Variants in ADGRE1 observed in about 807,000 individuals in gnomAD.
ADGRE1 encodes the protein EGF-like module receptor 1.
Under a neutral mutation model 102.7 loss-of-function variants are expected in ADGRE1, and 82 were observed. The ratio of observed to expected loss-of-function variants is 0.80; its 90% CI spans 0.67 to 0.96. The LOEUF (loss-of-function observed/expected upper bound fraction) is 0.96, where lower values mean the gene tolerates loss of function less well. ADGRE1 is among the 40% of genes least tolerant of loss of function. The pLI is 0.00. For missense variants in ADGRE1, 1,032 were observed against 1,085.3 expected (o/e 0.95, Z 0.69); for synonymous variants, 398 against 399.6 (o/e 1.00, Z 0.05).
chr19:6,911,385 G>GTTT (rs772959056), intron 10 of ADGRE1, among the ~76,000 whole-genome samples: 1,055 of 79,798 alleles, frequency 0.013, 69 homozygotes, highest in African/African-American at 0.042. Flanking sequence ...ATTCCTTTTA[G>GTTT]TTTTTTTTTT....
intron 12 of ADGRE1, among the ~76,000 whole-genome samples, chr19:6,918,189 C>T (rs1974474057): frequency 6.6e-6 from 1 of 152,284 alleles, no homozygotes; most frequent in Non-Finnish European, 1.5e-5. Flanking sequence ...CCTGTAATCC[C>T]AGCACTTTGG....
chr19:6,887,757 C>G (rs1175550326), intron 1 of ADGRE1, 118 bp downstream of exon 1: 1 of 1,060,174 alleles, frequency 9.4e-7, no homozygotes, highest in Admixed American at 2.6e-5. Flanking sequence ...CTGGATGCTG[C>G]AAACACCTTC....
At chr19:6,916,156 C>A in intron 11 of ADGRE1, 93 bp from the exon 12 acceptor site, 1 of 1,421,978 alleles carries the variant, frequency 7.0e-7, no homozygotes, top group Non-Finnish European at 9.6e-7. Context: ...CCTTTGCTCG[C>A]CATGATGGAG....
chr19:6,890,649 T>A, intron 2 of ADGRE1, 106 bp downstream of exon 2: 1 of 1,210,770 alleles, frequency 8.3e-7, no homozygotes, highest in Non-Finnish European at 1.2e-6. Context: ...TGCTGGGAGC[T>A]AGTTAGCGGC....
At chr19:6,922,663 A>C (rs2144986790) in intron 14 of ADGRE1, among the ~76,000 whole-genome samples, 1 of 150,338 alleles carries the variant, frequency 6.7e-6, no homozygotes, top group African/African-American at 2.5e-5. Context: ...CACACAAACA[A>C]AAAGAATTCT....
Position 6,926,570 on chromosome 19 carries a change from G to T in ADGRE1, c.2191G>T (p.Val731Leu), listed in dbSNP as rs1373611889. 1.2e-6 allele frequency: 2 copies of T among 1,614,226 alleles called. No individual in the cohort carries two copies. The highest frequency in any genetic ancestry group is 3.3e-5 in the Admixed American group (2 of 60,016). The change falls in exon 16 of 21, where the codon GTG becomes TTG. Residue 731 changes from valine (V) to leucine (L), a missense_variant. Physicochemically the swap from Val to Leu is conservative, Grantham distance 32. Transcript: ENST00000312053. ...PMLVVVISAS[V>L]QPQGYGMHNR... ...GCTGGTGGTGGTGATCTCTGCCAGT[G>T]TGCAGCCACAGGGCTATGGAATGCA...
intron 5 of ADGRE1, chr19:6,898,244 T>C (rs560401951): frequency 3.4e-5 from 50 of 1,454,460 alleles, no homozygotes; most frequent in Non-Finnish European, 4.5e-5. Context: ...TAACTTTTTT[T>C]TTTGGCAAAA....
At position 6,937,095 on chromosome 19, in the gene ADGRE1, A is replaced by T. The variant is rs549545772; in HGVS notation, c.2382-148A>T. 5.1e-5 allele frequency: 41 copies of T among 805,104 alleles called. No homozygotes were observed. In the East Asian group the frequency reaches 8.5e-4, roughly 17 times the overall value. The allele number at this position is 805,104 out of a possible 1,614,324, so 49.9% of individuals were successfully genotyped here. On this transcript the variant is annotated intron_variant, in intron 18 of 20. Transcript: ENST00000312053. ...AATGTCTATAGGATTTGATTTTGCAACACCTAGGCTTGGAGACCCCACCCT... is the reference window on the plus strand; with the variant it reads ...AATGTCTATAGGATTTGATTTTGCATCACCTAGGCTTGGAGACCCCACCCT...
At chr19:6,929,984 G>A (rs766086474) in intron 17 of ADGRE1, among the ~76,000 whole-genome samples, 2 of 152,136 alleles carry the variant, frequency 1.3e-5, no homozygotes, top group South Asian at 4.1e-4. Context: ...CCAGGTAACC[G>A]CTTTCCTATT....
At chr19:6,911,385 GTT>G (rs772959056) in intron 10 of ADGRE1, among the ~76,000 whole-genome samples, 4 of 79,840 alleles carry the variant, frequency 5.0e-5, no homozygotes, top group Non-Finnish European at 9.3e-5. Context: ...ATTCCTTTTA[GTT>G]TTTTTTTTTT....
At position 6,889,966 on chromosome 19, in the gene ADGRE1, G is replaced by A. The variant is rs192904588; in HGVS notation, c.32-515G>A. Among the ~76,000 whole-genome samples the A allele has an allele frequency of 3.7e-4, 56 of 152,104 alleles. 1 individual carries two copies. In the East Asian group the frequency reaches 3.9e-3, roughly 11 times the overall value. Reference sequence around the variant, plus strand: ...TAGACAGGGTCACCTAGGCTGGAGCGCAGTGGCATGATCTTGGCTCACTGC... The same window carrying A: ...TAGACAGGGTCACCTAGGCTGGAGCACAGTGGCATGATCTTGGCTCACTGC... On this transcript the variant is annotated intron_variant, in intron 1 of 20. Coordinates refer to ENST00000312053, the MANE Select transcript of ADGRE1 (RefSeq NM_001974.5).
intron 12 of ADGRE1, among the ~76,000 whole-genome samples, chr19:6,919,002 G>A (rs1001836771): frequency 6.6e-5 from 10 of 151,994 alleles, no homozygotes; most frequent in African/African-American, 2.4e-4. Context: ...TGGGATTACA[G>A]GCGTGAGCCA....
chr19:6,909,854 C>T (rs979359990), intron 10 of ADGRE1, among the ~76,000 whole-genome samples: 3 of 152,126 alleles, frequency 2.0e-5, no homozygotes, highest in Admixed American at 1.3e-4. Context: ...CCTGCCTCAG[C>T]CTCCCGAGTA....
chr19:6,889,389 C>T lies in ADGRE1; in HGVS notation c.32-1092C>T, dbSNP rs547064690. Among the ~76,000 whole-genome samples the T allele has an allele frequency of 4.6e-5, 7 of 151,992 alleles. No individual in the cohort carries two copies. In the East Asian group the frequency reaches 5.8e-4, roughly 13 times the overall value. ...ACCTAAATGCTGCAGGGCTGCATTG[C>T]CTTTAAACACTAAAAAATGGGCAGG... On this transcript the variant is annotated intron_variant, in intron 1 of 20. Coordinates refer to ENST00000312053, the MANE Select transcript of ADGRE1 (RefSeq NM_001974.5).
chr19:6,938,019 A>G (rs1206056135), intron 20 of ADGRE1, among the ~76,000 whole-genome samples: 1 of 151,426 alleles, frequency 6.6e-6, no homozygotes. Context: ...TATTATATAC[A>G]TATAAATGTA....
chr19:6,911,795 C>A (rs1312727514), intron 10 of ADGRE1, among the ~76,000 whole-genome samples: 2 of 147,740 alleles, frequency 1.4e-5, no homozygotes, highest in African/African-American at 4.9e-5. Context: ...ACACATATAA[C>A]ATACATACAC....
At chr19:6,904,527 CTT>C (rs561401517) in intron 8 of ADGRE1, among the ~76,000 whole-genome samples, 62 of 134,668 alleles carry the variant, frequency 4.6e-4, no homozygotes, top group Middle Eastern at 3.8e-3. Flanking sequence ...AAAAAGTGTG[CTT>C]TTTTTTTTTT....
rs1224126616 is a variant in ADGRE1, at chr19:6,937,662, T to C, written c.2655+14T>C. ...GCTTCCAAGACGGTGAGAGACTGCA[T>C]GCTCCCTGCAGGTGCTGGTCGAGGG... On this transcript the variant is annotated intron_variant, in intron 20 of 20. Coordinates refer to ENST00000312053, the MANE Select transcript of ADGRE1 (RefSeq NM_001974.5). 6.2e-7 allele frequency: 1 copy of C among 1,612,854 alleles called. No homozygotes were observed. Among genetic ancestry groups the C allele is most frequent in the East Asian group, 2.2e-5 (1 of 44,852 alleles).
rs1974674348 is a variant in ADGRE1 at position 6,921,731 on chromosome 19, A to G, written c.1639A>G (p.Arg547Gly). Residue 547 changes from arginine to glycine, a missense_variant, in exon 14 of 21, where the codon AGG becomes GGG. By Grantham distance (125) the Arg-to-Gly change is moderately radical (BLOSUM62 -2). Coordinates refer to ENST00000312053, the MANE Select transcript of ADGRE1 (RefSeq NM_001974.5). ...ENIQPKQKFE[R>G]PICVSWSTDV... ...TTTTTAGCCAAAGCAGAAGTTTGAG[A>G]GGCCCATCTGTGTTTCCTGGAGCAC... The G allele has an allele frequency of 6.2e-7, 1 of 1,600,228 alleles. No individual in the cohort carries two copies. Among genetic ancestry groups the G allele is most frequent in the Non-Finnish European group, 8.5e-7 (1 of 1,175,544 alleles).
Sources: gnomAD v4.1 joint callset for allele counts (sites outside exome capture counted in the v4.1 genomes callset) on GRCh38, gnomAD v4.1.1 for gene constraint, MANE v1.5 for transcripts, NCBI Gene and HGNC (gene_info 2026-07-23, HGNC 2026-07-21) for gene names.